Variants in AKT3 observed in about 807,000 individuals in gnomAD.
AKT3 encodes the protein AKT serine/threonine kinase 3.
Under a neutral mutation model 65.3 loss-of-function variants are expected in AKT3, and 15 were observed. That is an observed-to-expected ratio of 0.23 (90% CI 0.15 to 0.35). The LOEUF is 0.35. AKT3 is among the 10% of genes least tolerant of loss of function. The probability of loss-of-function intolerance (pLI) is 1.00; values close to 1 mark genes in which losing one functional copy is unlikely to be tolerated. For synonymous variants in AKT3, 206 were observed against 183.8 expected, an observed-to-expected ratio of 1.12 and a Z score of -0.98; for missense variants, 243 against 576.5, an observed-to-expected ratio of 0.42 and a Z score of 5.92.
chr1:243,678,749 C>T (rs1254897636), intron 3 of AKT3, among the ~76,000 whole-genome samples: 1 of 152,118 alleles, frequency 6.6e-6, no homozygotes, highest in East Asian at 1.9e-4. Context: ...GCTCTAAATT[C>T]ATGTCTCTTT....
At chr1:243,556,810 A>G (rs968861290) in intron 10 of AKT3, among the ~76,000 whole-genome samples, 3 of 152,170 alleles carry the variant, frequency 2.0e-5, no homozygotes, top group African/African-American at 7.2e-5. Context: ...GGCTAAGAAA[A>G]AAAGACCTAT....
At position 243,834,155 on chromosome 1, in the gene AKT3, T is replaced by C. The variant is rs1013820733; in HGVS notation, c.46+8970A>G. On this transcript the variant is annotated intron_variant, in intron 2 of 13. Transcript: ENST00000673466. Reference sequence around the variant, plus strand: ...ACCATTAGACCCAGCAATTCCATTATTGAAAATATGACCAAAGGAATATAA... The same window carrying C: ...ACCATTAGACCCAGCAATTCCATTACTGAAAATATGACCAAAGGAATATAA... 6.5e-4 allele frequency among the ~76,000 whole-genome samples: 99 copies of C among 152,204 alleles called. 1 individual carries two copies. The highest frequency in any genetic ancestry group is 2.2e-3 in the African/African-American group (92 of 41,536).
At chr1:243,505,535 T>C (rs1025788076) in intron 13 of AKT3, among the ~76,000 whole-genome samples, 2 of 152,166 alleles carry the variant, frequency 1.3e-5, no homozygotes, top group African/African-American at 4.8e-5. Flanking sequence ...TATGAAGAAA[T>C]AATACTATAG....
chr1:243,598,457 C>G (rs1483114827), intron 8 of AKT3, among the ~76,000 whole-genome samples: 3 of 152,088 alleles, frequency 2.0e-5, no homozygotes, highest in Admixed American at 6.6e-5. Flanking sequence ...TGCATTAACT[C>G]AAACTACTAA....
chr1:243,823,807 A>G (rs1693996082), intron 2 of AKT3, among the ~76,000 whole-genome samples: 1 of 152,240 alleles, frequency 6.6e-6, no homozygotes, highest in Non-Finnish European at 1.5e-5. Flanking sequence ...AAGAAGAATC[A>G]ATATCGTGAA....
intron 5 of AKT3, among the ~76,000 whole-genome samples, chr1:243,638,735 C>T (rs1680156081): frequency 6.6e-6 from 1 of 151,438 alleles, no homozygotes; most frequent in Admixed American, 6.6e-5. Context: ...ATTTTAGTGC[C>T]TTTTATAACT....
intron 3 of AKT3, among the ~76,000 whole-genome samples, chr1:243,691,848 G>C (rs1558724912): frequency 6.6e-6 from 1 of 152,180 alleles, no homozygotes; most frequent in Non-Finnish European, 1.5e-5. Context: ...ACACAAGGTT[G>C]CAACTGAAAC....
At chr1:243,726,088 T>C (rs1489011516) in intron 2 of AKT3, among the ~76,000 whole-genome samples, 1 of 151,990 alleles carries the variant, frequency 6.6e-6, no homozygotes, top group African/African-American at 2.4e-5. Flanking sequence ...TCTAGTATGC[T>C]GGTGGGTGCT....
At chr1:243,694,643 T>A (rs1212398540) in intron 3 of AKT3, among the ~76,000 whole-genome samples, 2 of 151,924 alleles carry the variant, frequency 1.3e-5, no homozygotes, top group Non-Finnish European at 2.9e-5. Context: ...TCTAACCCAC[T>A]AATAAGGGCT....
intron 8 of AKT3, among the ~76,000 whole-genome samples, chr1:243,579,484 G>A (rs1331503290): frequency 1.3e-5 from 2 of 152,172 alleles, no homozygotes; most frequent in East Asian, 1.9e-4. Flanking sequence ...GTTTCAGAAA[G>A]ACAGGAACAT....
At chr1:243,709,859 C>G (rs1686037106) in intron 2 of AKT3, among the ~76,000 whole-genome samples, 1 of 152,056 alleles carries the variant, frequency 6.6e-6, no homozygotes. Flanking sequence ...CAGTCTCAAG[C>G]AAATAAGTGA....
At chr1:243,695,323 A>G (rs1684994044) in intron 3 of AKT3, among the ~76,000 whole-genome samples, 1 of 151,964 alleles carries the variant, frequency 6.6e-6, no homozygotes, top group African/African-American at 2.4e-5. Flanking sequence ...TATGTTATAA[A>G]CAAAAACTTG....
chr1:243,683,583 G>A (rs1202265262), intron 3 of AKT3, among the ~76,000 whole-genome samples: 1 of 152,024 alleles, frequency 6.6e-6, no homozygotes, highest in Non-Finnish European at 1.5e-5. Context: ...TTATATGTAG[G>A]GTATTCCCTT....
At chr1:243,815,941 T>C (rs1693493618) in intron 2 of AKT3, among the ~76,000 whole-genome samples, 1 of 152,122 alleles carries the variant, frequency 6.6e-6, no homozygotes, top group Non-Finnish European at 1.5e-5. Context: ...TCTATTGCTA[T>C]AATTACCCCC....
chr1:243,699,465 C>CCATATATATA (rs1389882625), intron 2 of AKT3, among the ~76,000 whole-genome samples: 13 of 103,610 alleles, frequency 1.3e-4, no homozygotes, highest in African/African-American at 5.4e-4. Context: ...ACCTCTTCCA[C>CCATATATATA]TATATATATA....
At chr1:243,832,936 C>T (rs544713113) in intron 2 of AKT3, among the ~76,000 whole-genome samples, 1 of 152,232 alleles carries the variant, frequency 6.6e-6, no homozygotes, top group Non-Finnish European at 1.5e-5. Flanking sequence ...CATTATATGG[C>T]TGTATTTGTC....
Position 243,680,040 on chromosome 1 carries a change from T to TA in AKT3, c.173-15158dup, listed in dbSNP as rs144806056. Reference sequence around the variant, plus strand: ...GAACACCCTATAGAGACAGAAACTTTATCAGTGTGCTTTTGGAAGCAATAA... The same window carrying TA: ...GAACACCCTATAGAGACAGAAACTTTAATCAGTGTGCTTTTGGAAGCAATAA... On this transcript the variant is annotated intron_variant, in intron 3 of 13. Coordinates refer to ENST00000673466, the MANE Select transcript of AKT3 (RefSeq NM_005465.7). Among the ~76,000 whole-genome samples the TA allele has an allele frequency of 2.1e-3, 316 of 152,330 alleles. 1 individual carries two copies. Among genetic ancestry groups the TA allele is most frequent in the African/African-American group, 7.2e-3 (299 of 41,584 alleles).
intron 4 of AKT3, among the ~76,000 whole-genome samples, chr1:243,663,640 TTACTC>T (rs1390408259): frequency 7.2e-5 from 11 of 152,350 alleles, no homozygotes; most frequent in Admixed American, 7.2e-4. Flanking sequence ...ACATTACCAT[TTACTC>T]TACTGATCAA....
intron 2 of AKT3, among the ~76,000 whole-genome samples, chr1:243,819,038 C>T (rs1185617647): frequency 6.6e-6 from 1 of 152,242 alleles, no homozygotes; most frequent in Admixed American, 6.5e-5. Flanking sequence ...GGATATCACC[C>T]TCATGAGCCG....
Sources: gnomAD v4.1 joint callset for allele counts (sites outside exome capture counted in the v4.1 genomes callset) on GRCh38, gnomAD v4.1.1 for gene constraint, MANE v1.5 for transcripts, NCBI Gene and HGNC (gene_info 2026-07-23, HGNC 2026-07-21) for gene names.